Variants in ZFAT observed in about 807,000 individuals in gnomAD.
ZFAT encodes the protein zinc finger and AT-hook domain containing, also known as zinc finger protein ZFAT.
In ZFAT, 64 loss-of-function variants were observed where a neutral mutation model predicts 117.7. The ratio of observed to expected loss-of-function variants is 0.54; its 90% CI spans 0.44 to 0.67. The LOEUF (loss-of-function observed/expected upper bound fraction) is 0.67, where lower values mean the gene tolerates loss of function less well. ZFAT is among the 30% of genes least tolerant of loss of function. The pLI is 0.00. For missense variants in ZFAT, 1,433 were observed against 1,584.5 expected (o/e 0.90, Z 1.62); for synonymous variants, 679 against 615.0 (o/e 1.10, Z -1.54).
intron 5 of ZFAT, among the ~76,000 whole-genome samples, chr8:134,606,736 A>G (rs1274587693): frequency 6.6e-6 from 1 of 151,848 alleles, no homozygotes; most frequent in Admixed American, 6.6e-5. Context: ...TCAGAAAAAA[A>G]AAAAAAAAAA....
At chr8:134,612,537 A>G (rs914464214) in intron 3 of ZFAT, among the ~76,000 whole-genome samples, 6 of 152,278 alleles carry the variant, frequency 3.9e-5, no homozygotes, top group African/African-American at 1.4e-4. Flanking sequence ...GGCTAATGGC[A>G]GATTGATCAA....
At chr8:134,717,089 T>C (rs1431972502), upstream of ZFAT, among the ~76,000 whole-genome samples, 1 of 152,146 alleles carries the variant, frequency 6.6e-6, no homozygotes, top group Non-Finnish European at 1.5e-5. Flanking sequence ...TAGCCAGATG[T>C]CCTAAGGGAG....
chr8:134,708,242 GT>G lies in ZFAT; in HGVS notation c.19+4602del, dbSNP rs1431525225. Among the ~76,000 whole-genome samples, 8 of 152,198 alleles carry G rather than the reference GT, an allele frequency of 5.3e-5. No homozygotes were observed. The East Asian group carries it at 1.2e-3, about 22-fold the overall frequency. ...AAGCCTCAATTAGACAAGAGGAATCGTTTTTTTCTTTGAGACATATTGCACA... is the reference window on the plus strand; with the variant it reads ...AAGCCTCAATTAGACAAGAGGAATCGTTTTTTCTTTGAGACATATTGCACA... On this transcript the variant is annotated intron_variant, in intron 1 of 15. Transcript: ENST00000377838.
chr8:134,763,506 T>C, the ZFAT span, among the ~76,000 whole-genome samples: 9 of 152,232 alleles, frequency 5.9e-5, no homozygotes, highest in Non-Finnish European at 1.2e-4. Context: ...TTCAGCCTTC[T>C]TCATCTCTAC....
rs114567422 is a variant in ZFAT, at chr8:134,481,132, T to C, written c.3493-2411A>G. On this transcript the variant is annotated intron_variant, in intron 15 of 15. Transcript: ENST00000377838. The stretch of plus-strand genomic sequence containing the variant: ...CTTTTCCTATTTGTTTCAATTTCAT[T>C]TAACTGGGAAAATGTACCATGAACC... Among the ~76,000 whole-genome samples the C allele has an allele frequency of 4.4e-3, 669 of 152,282 alleles. 6 individuals carry two copies. The highest frequency in any genetic ancestry group is 0.015 in the African/African-American group (639 of 41,530).
rs527549863 is a variant in ZFAT at position 134,677,799 on chromosome 8, G to A, written c.20-20062C>T. Among the ~76,000 whole-genome samples the A allele has an allele frequency of 3.3e-5, 5 of 152,200 alleles. No individual in the cohort carries two copies. In the East Asian group the frequency reaches 5.8e-4, roughly 18 times the overall value. On this transcript the variant is annotated intron_variant, in intron 1 of 15. Coordinates refer to ENST00000377838, the MANE Select transcript of ZFAT (RefSeq NM_020863.4). ...GGGATGCAAGGCTAGTTCAACATAC[G>A]TAAATAAATAAACATCATCTATCAC...
chr8:134,807,890 A>T, the ZFAT span, among the ~76,000 whole-genome samples: 1 of 152,188 alleles, frequency 6.6e-6, no homozygotes, highest in African/African-American at 2.4e-5. Flanking sequence ...TGAAAAATTT[A>T]TAAAATAGAA....
intron 2 of ZFAT, among the ~76,000 whole-genome samples, chr8:134,657,226 C>T (rs1831661215): frequency 6.6e-6 from 1 of 152,152 alleles, no homozygotes; most frequent in Non-Finnish European, 1.5e-5. Context: ...CAAAGTGAGG[C>T]TTGGAGAAGT....
At chr8:134,586,886 C>A (rs1486385706) in intron 9 of ZFAT, among the ~76,000 whole-genome samples, 1 of 152,188 alleles carries the variant, frequency 6.6e-6, no homozygotes. Context: ...CAAATTACTT[C>A]ACCTCTCTAA....
chr8:134,624,766 T>C (rs1357868808), intron 3 of ZFAT, among the ~76,000 whole-genome samples: 1 of 152,186 alleles, frequency 6.6e-6, no homozygotes, highest in Non-Finnish European at 1.5e-5. Flanking sequence ...GTATCTCACA[T>C]GTAACTCGTA....
chr8:134,718,458 A>G, the ZFAT span, among the ~76,000 whole-genome samples: 4 of 152,324 alleles, frequency 2.6e-5, no homozygotes, highest in East Asian at 5.8e-4. Flanking sequence ...AGATCACGCC[A>G]TTCACTCCAG....
At chr8:134,487,626 C>T (rs1817745808) in intron 15 of ZFAT, among the ~76,000 whole-genome samples, 1 of 152,248 alleles carries the variant, frequency 6.6e-6, no homozygotes, top group Non-Finnish European at 1.5e-5. Flanking sequence ...TTCCCCCACA[C>T]TCAATTTTGG....
chr8:134,502,830 G>C (rs1346612120), intron 15 of ZFAT, among the ~76,000 whole-genome samples: 1 of 152,260 alleles, frequency 6.6e-6, no homozygotes, highest in Non-Finnish European at 1.5e-5. Context: ...TCATGGGGAA[G>C]AGGTGGGTGC....
chr8:134,774,241 C>A, the ZFAT span, among the ~76,000 whole-genome samples: 1 of 152,078 alleles, frequency 6.6e-6, no homozygotes, highest in Non-Finnish European at 1.5e-5. Flanking sequence ...AGGTGATCCA[C>A]CTGCATCGGC....
chr8:134,820,002 T>C, the ZFAT span, among the ~76,000 whole-genome samples: 1 of 152,196 alleles, frequency 6.6e-6, no homozygotes, highest in African/African-American at 2.4e-5. Flanking sequence ...ACATAGAATC[T>C]AGGACATCAT....
upstream of ZFAT, among the ~76,000 whole-genome samples, chr8:134,717,466 C>CTTTTTTT (rs746460924): frequency 0.042 from 808 of 19,332 alleles, 364 homozygotes; most frequent in Middle Eastern, 0.12. Context: ...AATAACAACT[C>CTTTTTTT]TTTTTTTTTT....
chr8:134,546,451 C>G (rs1822700720), intron 11 of ZFAT, among the ~76,000 whole-genome samples: 1 of 152,130 alleles, frequency 6.6e-6, no homozygotes, highest in Non-Finnish European at 1.5e-5. Flanking sequence ...CCAAGTCACC[C>G]TGAGAAGTGT....
the ZFAT span, among the ~76,000 whole-genome samples, chr8:134,734,923 C>T: frequency 6.6e-6 from 1 of 152,182 alleles, no homozygotes; most frequent in Non-Finnish European, 1.5e-5. Flanking sequence ...CCTGCCTCCA[C>T]ACTTGCTGCT....
chr8:134,648,848 T>C lies in ZFAT; in HGVS notation c.196+8713A>G, dbSNP rs151070013. Among the ~76,000 whole-genome samples the C allele has an allele frequency of 3.0e-3, 449 of 152,170 alleles. 10 individuals are homozygous for C. The highest frequency in any genetic ancestry group is 0.028 in the Admixed American group (425 of 15,288). On this transcript the variant is annotated intron_variant, in intron 2 of 15. Transcript: ENST00000377838. ...ATCAAAGACTCTAGACCAATATCTC[T>C]TATGAATATAAATGCAAATATGTTT...
Sources: gnomAD v4.1 joint callset for allele counts (sites outside exome capture counted in the v4.1 genomes callset) on GRCh38, gnomAD v4.1.1 for gene constraint, MANE v1.5 for transcripts, NCBI Gene and HGNC (gene_info 2026-07-23, HGNC 2026-07-21) for gene names.